The following CASP1 variants were observed in gnomAD, a reference collection of about 807,000 sequenced individuals.
CASP1 encodes the protein caspase-1.
A neutral mutation model predicts 41.2 loss-of-function variants in CASP1; 31 were observed. That is an observed-to-expected ratio of 0.75 (90% CI 0.57 to 1.02). CASP1 has a LOEUF of 1.02. CASP1 is among the 50% of genes least tolerant of loss of function. The pLI is 0.00. For missense variants in CASP1, 490 were observed against 495.7 expected (o/e 0.99, Z 0.11); for synonymous variants, 163 against 166.5 (o/e 0.98, Z 0.16).
chr11:105,030,251 G>A, intron 5 of CASP1, 79 bp downstream of exon 5: 1 of 1,210,300 alleles, frequency 8.3e-7, no homozygotes, highest in Non-Finnish European at 1.2e-6. Context: ...ACATTTCTTG[G>A]TCTTACAACC....
chr11:105,026,361 AAG>A lies in CASP1; in HGVS notation c.1117-7_1117-6del. On this transcript the variant is annotated splice_region_variant and splice_polypyrimidine_tract_variant and intron_variant, in intron 8 of 8. Transcript: ENST00000533400. ...CTGCTCAAATGAAAATCGAACCTAA[AAG>A]AGTAAGGAAAGTCTGTAGCCCTTTT... is the stretch of plus-strand genomic sequence containing the variant. The A allele has an allele frequency of 1.3e-6, 2 of 1,591,416 alleles. No individual in the cohort carries two copies. The highest frequency in any genetic ancestry group is 1.7e-6 in the Non-Finnish European group (2 of 1,160,826).
chr11:105,034,282 T>C lies in CASP1; in HGVS notation c.200A>G (p.Gln67Arg). 1 of 1,614,170 alleles carries C rather than the reference T, an allele frequency of 6.2e-7. No homozygotes were observed. Among genetic ancestry groups the C allele is most frequent in the Non-Finnish European group, 8.5e-7 (1 of 1,180,008 alleles). Residue 67 changes from glutamine to arginine, a missense_variant, in exon 2 of 9, where the codon CAG (glutamine) becomes CGG (arginine). Gln to Arg is a conservative substitution (Grantham distance 43, BLOSUM62 1). Transcript: ENST00000533400. ...GTATGTGATGCAAATTTGGCATGCC[T>C]GTGCCCCTTTCGGAATAACGGAGTC... ...LIDSVIPKGAQACQICITYIC... is the reference protein window; with the variant it reads ...LIDSVIPKGARACQICITYIC...
At chr11:105,026,531 T>C in intron 8 of CASP1, 175 bp from the exon 9 acceptor site, 1 of 602,368 alleles carries the variant, frequency 1.7e-6, no homozygotes, top group South Asian at 2.0e-5. Flanking sequence ...TGAATGACCC[T>C]CCTCAGGGCA....
At chr11:105,028,168 A>G (rs1398816080) in intron 7 of CASP1, among the ~76,000 whole-genome samples, 5 of 151,572 alleles carry the variant, frequency 3.3e-5, no homozygotes, top group Admixed American at 6.6e-5. Context: ...GATCATTGGG[A>G]AAAAAAAATT....
At chr11:105,034,979 C>T (rs1286321408) in intron 1 of CASP1, 128 bp downstream of exon 1, 12 of 1,218,842 alleles carry the variant, frequency 9.8e-6, no homozygotes, top group Non-Finnish European at 1.4e-5. Flanking sequence ...TCTCCTCCCT[C>T]TCCCCCCTTT....
At chr11:105,033,475 T>C (rs2134857340) in intron 2 of CASP1, among the ~76,000 whole-genome samples, 1 of 152,298 alleles carries the variant, frequency 6.6e-6, no homozygotes, top group South Asian at 2.1e-4. Flanking sequence ...CATCAATGAC[T>C]GGGAATCCAC....
At chr11:105,035,618 G>GTTTTTTTTTTT (rs56746743), upstream of CASP1, among the ~76,000 whole-genome samples, 13,776 of 102,820 alleles carry the variant, frequency 0.13, 2,595 homozygotes, top group East Asian at 0.35. Flanking sequence ...TTTTCTTTCT[G>GTTTTTTTTTTT]TTTTTTTTTT....
At position 105,033,253 on chromosome 11, in the gene CASP1, T is replaced by C. The variant is rs1331856310; in HGVS notation, c.275-127A>G. On this transcript the variant is annotated intron_variant, in intron 2 of 8. Coordinates refer to ENST00000533400, the MANE Select transcript of CASP1 (RefSeq NM_001257118.3). ...TGACTGACTGACTGACATTAAATAA[T>C]GTTAAAGATGTTCTTTAATTTAGAG... 1.3e-4 allele frequency: 78 copies of C among 585,538 alleles called. No individual in the cohort carries two copies. The East Asian group carries it at 2.3e-3, about 17-fold the overall frequency. The allele number at this position is 585,538 out of a possible 1,614,324, so 36.3% of individuals were successfully genotyped here. A position where few individuals can be genotyped will look rare whatever the true frequency, so the allele number is the denominator to read the frequency against.
upstream of CASP1, among the ~76,000 whole-genome samples, chr11:105,035,718 T>A (rs913308997): frequency 1.4e-5 from 2 of 145,262 alleles, no homozygotes; most frequent in African/African-American, 5.0e-5. Context: ...CAGGCTCAGA[T>A]GATTCTTCCA....
intron 1 of CASP1, 136 bp from the exon 2 acceptor site, chr11:105,034,610 A>G: frequency 7.2e-7 from 1 of 1,390,286 alleles, no homozygotes; most frequent in Non-Finnish European, 9.8e-7. Context: ...CCCTCTTCTT[A>G]CTGTATTGCT....
Position 105,032,718 on chromosome 11 carries a change from G to A in CASP1, c.337+346C>T, listed in dbSNP as rs544921465. On this transcript the variant is annotated intron_variant, in intron 3 of 8. Transcript: ENST00000533400. ...ACCAATAACCAAGTTACACAAAACC[G>A]GAAGAGAAGCAGGGTGTGGAAGTAT... 9.9e-5 allele frequency among the ~76,000 whole-genome samples: 15 copies of A among 152,236 alleles called. No individual in the cohort carries two copies. The South Asian group carries it at 1.2e-3, about 13-fold the overall frequency.
In CASP1 at chr11:105,025,581, C is replaced by T. The variant is rs1863215344; in HGVS notation, c.*677G>A. The T allele has an allele frequency of 2.4e-6, 1 of 417,928 alleles. No individual in the cohort carries two copies. The highest frequency in any genetic ancestry group is 3.0e-5 in the Admixed American group (1 of 33,696). The allele number at this position is 417,928 out of a possible 1,614,324, so 25.9% of individuals were successfully genotyped here. A position where few individuals can be genotyped will look rare whatever the true frequency, so the allele number is the denominator to read the frequency against. On this transcript the variant is annotated 3_prime_UTR_variant, in exon 9 of 9. Transcript: ENST00000533400. Reference sequence around the variant, plus strand: ...GCAGACATAATTCCAAAAACCTTTACAGAAGGATCTCTTCACTTCCTATGA... The same window carrying T: ...GCAGACATAATTCCAAAAACCTTTATAGAAGGATCTCTTCACTTCCTATGA...
At chr11:105,035,219 T>A, upstream of CASP1, 1 of 1,360,866 alleles carries the variant, frequency 7.3e-7, no homozygotes, top group African/African-American at 1.4e-5. Context: ...TGTGCATGCA[T>A]ATGCATGTCT....
At chr11:105,029,559 T>C in intron 6 of CASP1, 106 bp downstream of exon 6, 1 of 762,598 alleles carries the variant, frequency 1.3e-6, no homozygotes, top group Non-Finnish European at 2.2e-6. Flanking sequence ...ACAGTATGTG[T>C]TCTTTGACAT....
chr11:105,029,148 T>A lies in CASP1; in HGVS notation c.982A>T (p.Ile328Phe), dbSNP rs1439638060. 1.2e-6 allele frequency: 2 copies of A among 1,613,130 alleles called. No homozygotes were observed. Among genetic ancestry groups the A allele is most frequent in the South Asian group, 1.1e-5 (1 of 91,046 alleles). ...IKKAHIEKDFIAFCSSTPDNV... is the reference protein window; with the variant it reads ...IKKAHIEKDFFAFCSSTPDNV... Reference sequence around the variant, plus strand: ...CCTGGTGTGGAAGAGCAGAAAGCGATAAAATCCTTCTCTATGTGGGCTTTC... The same window carrying A: ...CCTGGTGTGGAAGAGCAGAAAGCGAAAAAATCCTTCTCTATGTGGGCTTTC... Residue 328 changes from isoleucine (I) to phenylalanine (F), a missense_variant, in exon 7 of 9, where the codon ATC becomes TTC. Coordinates refer to ENST00000533400, the MANE Select transcript of CASP1 (RefSeq NM_001257118.3).
chr11:105,035,191 G>T, upstream of CASP1: 1 of 1,582,104 alleles, frequency 6.3e-7, no homozygotes, highest in Non-Finnish European at 8.7e-7. Context: ...GCCTGTACAT[G>T]TATTGGGAAA....
chr11:105,031,957 T>A (rs969530138), intron 3 of CASP1, among the ~76,000 whole-genome samples: 8 of 151,764 alleles, frequency 5.3e-5, no homozygotes, highest in South Asian at 2.1e-4. Flanking sequence ...TTTCACAGAG[T>A]TTATGTGAGA....
Position 105,034,406 on chromosome 11 carries a change from G to A in CASP1, c.76C>T (p.Leu26=). 2 of 1,614,104 alleles carry A rather than the reference G, an allele frequency of 1.2e-6. No homozygotes were observed. Among genetic ancestry groups the A allele is most frequent in the Non-Finnish European group, 1.7e-6 (2 of 1,180,000 alleles). The change falls in exon 2 of 9, where the codon CTG becomes TTG. Residue 26 remains leucine (L), a synonymous_variant. Coordinates refer to ENST00000533400, the MANE Select transcript of CASP1 (RefSeq NM_001257118.3). The part of the protein sequence containing the change: ...SMGEGTINGL[L]DELLQTRVLN... ...ACCCTTGTCTGTAATAATTCATCCA[G>A]TAAGCCATTTATTGTACCTTCACCC... is the stretch of plus-strand genomic sequence containing the variant.
chr11:105,027,022 T>G (rs111936618), intron 7 of CASP1, 71 bp from the exon 8 acceptor site: 1 of 867,052 alleles, frequency 1.2e-6, no homozygotes, highest in East Asian at 2.4e-5. Context: ...CCCTAGTATT[T>G]ATACTCCAGC....
Sources: gnomAD v4.1 joint callset for allele counts (sites outside exome capture counted in the v4.1 genomes callset) on GRCh38, gnomAD v4.1.1 for gene constraint, MANE v1.5 for transcripts, NCBI Gene and HGNC (gene_info 2026-07-23, HGNC 2026-07-21) for gene names.